The following ANKS1B variants were observed in gnomAD, a reference collection of about 807,000 sequenced individuals.
ANKS1B encodes ankyrin repeat and sterile alpha motif domain containing 1B, also known as ankyrin repeat and sterile alpha motif domain-containing protein 1B.
Under a neutral mutation model 148.3 loss-of-function variants are expected in ANKS1B, and 36 were observed. That is an observed-to-expected ratio of 0.24 (90% confidence interval 0.19 to 0.32). ANKS1B has a LOEUF of 0.32. Among genes scored for constraint, ANKS1B ranks in the 10% least tolerant of loss-of-function variants. ANKS1B has a pLI of 1.00. For synonymous variants in ANKS1B, 542 were observed against 560.8 expected (o/e 0.97, Z 0.47); for missense variants, 1,157 against 1,542.6 (o/e 0.75, Z 4.19).
chr12:99,367,552 T>A (rs1257707546), intron 12 of ANKS1B, among the ~76,000 whole-genome samples: 1 of 152,078 alleles, frequency 6.6e-6, no homozygotes, highest in African/African-American at 2.4e-5. Flanking sequence ...GAGAGAGAGT[T>A]CCAGGAGAAC....
intron 1 of ANKS1B, among the ~76,000 whole-genome samples, chr12:99,978,690 G>T (rs1268397338): frequency 6.6e-6 from 1 of 152,120 alleles, no homozygotes; most frequent in African/African-American, 2.4e-5. Flanking sequence ...CTTCCTAGTT[G>T]TCTGTTATCT....
chr12:99,264,199 C>T (rs537752949), intron 12 of ANKS1B, among the ~76,000 whole-genome samples: 2 of 152,132 alleles, frequency 1.3e-5, no homozygotes, highest in South Asian at 2.1e-4. Flanking sequence ...TTATTCTAGG[C>T]ATTCTTTAGC....
chr12:99,358,436 T>C (rs373074645), intron 12 of ANKS1B, among the ~76,000 whole-genome samples: 4 of 152,156 alleles, frequency 2.6e-5, no homozygotes, highest in Non-Finnish European at 4.4e-5. Flanking sequence ...ATGGTTTTTA[T>C]ATTTAGTAGG....
chr12:98,962,129 G>A (rs1236430141), intron 17 of ANKS1B, among the ~76,000 whole-genome samples: 1 of 150,282 alleles, frequency 6.7e-6, no homozygotes, highest in Non-Finnish European at 1.5e-5. Flanking sequence ...AAAAGACAGA[G>A]AGTGGCTGAA....
intron 8 of ANKS1B, among the ~76,000 whole-genome samples, chr12:99,679,550 T>G (rs1381886270): frequency 1.3e-5 from 2 of 152,166 alleles, no homozygotes; most frequent in Non-Finnish European, 2.9e-5. Flanking sequence ...CTTCAAGTGA[T>G]CCGCCCTCCT....
rs538939548 is a variant in ANKS1B, at chr12:99,330,679, T to C, written c.1756+68952A>G. ...AGCTAGGTTTAAAATCTTCAGAAAA[T>C]AAATGCATAATTAGATGTTTCCAGC... On this transcript the variant is annotated intron_variant, in intron 12 of 26. Coordinates refer to ENST00000683438, the MANE Select transcript of ANKS1B (RefSeq NM_001352186.2). Among the ~76,000 whole-genome samples the C allele has an allele frequency of 4.6e-5, 7 of 152,070 alleles. No homozygotes were observed. The East Asian group carries it at 9.6e-4, about 21-fold the overall frequency.
chr12:99,511,789 C>T (rs1466395537), intron 9 of ANKS1B, among the ~76,000 whole-genome samples: 1 of 151,848 alleles, frequency 6.6e-6, no homozygotes, highest in Non-Finnish European at 1.5e-5. Flanking sequence ...CTTCGACAAA[C>T]CTGACAAAAA....
At chr12:98,937,913 A>AGG in intron 17 of ANKS1B, among the ~76,000 whole-genome samples, 1 of 151,676 alleles carries the variant, frequency 6.6e-6, no homozygotes, top group African/African-American at 2.4e-5. Flanking sequence ...AGAGAGAGAG[A>AGG]GTGCAGGGGA....
chr12:99,888,348 G>A (rs965554350), intron 1 of ANKS1B, among the ~76,000 whole-genome samples: 15 of 152,166 alleles, frequency 9.9e-5, no homozygotes, highest in Non-Finnish European at 4.4e-5. Context: ...CACAAAGGAA[G>A]GCACAGAAAA....
Position 99,560,833 on chromosome 12 carries a change from C to CTTT in ANKS1B, c.1273-56195_1273-56193dup, listed in dbSNP as rs148332300. On this transcript the variant is annotated intron_variant, in intron 9 of 26. Transcript: ENST00000683438. Reference sequence around the variant, plus strand: ...TTGGGGTTGCAATGGCAATTTCTTTCTTTTTTCTTTTTTTTTTTTTTTTTT... The same window carrying CTTT: ...TTGGGGTTGCAATGGCAATTTCTTTCTTTTTTTTTCTTTTTTTTTTTTTTTTTT... Among the ~76,000 whole-genome samples the CTTT allele has an allele frequency of 3.9e-5, 4 of 102,256 alleles. No individual in the cohort carries two copies. In the East Asian group the frequency reaches 8.6e-4, roughly 22 times the overall value. 67.1% of individuals were successfully genotyped at this position (102,256 alleles called of 152,430 possible). A position where few individuals can be genotyped will look rare whatever the true frequency, so the allele number is the denominator to read the frequency against.
intron 15 of ANKS1B, among the ~76,000 whole-genome samples, chr12:99,107,481 T>C (rs2059462076): frequency 6.6e-6 from 1 of 152,226 alleles, no homozygotes; most frequent in Non-Finnish European, 1.5e-5. Flanking sequence ...GGACTGTCTT[T>C]GGGGTATCCA....
intron 12 of ANKS1B, among the ~76,000 whole-genome samples, chr12:99,280,582 C>A (rs1345233314): frequency 6.6e-6 from 1 of 152,082 alleles, no homozygotes; most frequent in African/African-American, 2.4e-5. Flanking sequence ...ATGGGACTAA[C>A]ATTTGAACTG....
At chr12:99,102,233 C>T (rs546758648) in intron 15 of ANKS1B, among the ~76,000 whole-genome samples, 8 of 152,190 alleles carry the variant, frequency 5.3e-5, no homozygotes, top group African/African-American at 1.7e-4. Flanking sequence ...TACAGCAGCT[C>T]ATGAGGACCC....
chr12:99,722,330 G>T (rs1046123296), intron 8 of ANKS1B, among the ~76,000 whole-genome samples: 1 of 152,182 alleles, frequency 6.6e-6, no homozygotes, highest in Non-Finnish European at 1.5e-5. Context: ...CAAAGAACAG[G>T]CTCACTGTTT....
chr12:99,260,312 G>A (rs1436458901), intron 12 of ANKS1B, among the ~76,000 whole-genome samples: 8 of 152,138 alleles, frequency 5.3e-5, no homozygotes, highest in African/African-American at 1.4e-4. Flanking sequence ...TAACCACTCC[G>A]ATTCAATTTT....
intron 1 of ANKS1B, among the ~76,000 whole-genome samples, chr12:99,826,121 C>G (rs11110063): frequency 1.7e-4 from 26 of 152,248 alleles, no homozygotes; most frequent in African/African-American, 6.3e-4. Context: ...ATTGCTTTAT[C>G]TGATGGTCAT....
In ANKS1B at chr12:99,984,084, G is replaced by A; in HGVS notation, c.134+20C>T. 1 of 1,604,168 alleles carries A rather than the reference G, an allele frequency of 6.2e-7. No individual in the cohort carries two copies. The highest frequency in any genetic ancestry group is 8.5e-7 in the Non-Finnish European group (1 of 1,174,006). ...TGCATAATGAGGTGTGCCAACCCCG[G>A]AGCTGGTGCCCGTCCTTACCTTAGC... On this transcript the variant is annotated intron_variant, in intron 1 of 26. Coordinates refer to ENST00000683438, the MANE Select transcript of ANKS1B (RefSeq NM_001352186.2).
chr12:99,947,233 G>T (rs1182802653), intron 1 of ANKS1B, among the ~76,000 whole-genome samples: 1 of 129,168 alleles, frequency 7.7e-6, no homozygotes, highest in East Asian at 2.0e-4. Context: ...TGGGGAGGGG[G>T]ATACAGAATC....
In ANKS1B at chr12:99,535,802, C is replaced by G. The variant is rs542635134; in HGVS notation, c.1273-31161G>C. Among the ~76,000 whole-genome samples, 55 of 152,264 alleles carry G rather than the reference C, an allele frequency of 3.6e-4. 1 individual carries two copies. The highest frequency in any genetic ancestry group is 1.3e-3 in the African/African-American group (53 of 41,558). On this transcript the variant is annotated intron_variant, in intron 9 of 26. Transcript: ENST00000683438. ...CCTTCATAAAAGGCACAGGAACACT[C>G]AAAAAGTTGTCAAAATAAACTTTAG...
Sources: gnomAD v4.1 joint callset for allele counts (sites outside exome capture counted in the v4.1 genomes callset) on GRCh38, gnomAD v4.1.1 for gene constraint, MANE v1.5 for transcripts, NCBI Gene and HGNC (gene_info 2026-07-23, HGNC 2026-07-21) for gene names.